ARHGAP6: variants seen among roughly 807,000 people sequenced by gnomAD.
ARHGAP6 encodes Rho GTPase activating protein 6.
Under a neutral mutation model 55.7 loss-of-function variants are expected in ARHGAP6, and 16 were observed. That is an observed-to-expected ratio of 0.29 (90% CI 0.19 to 0.44). The LOEUF (loss-of-function observed/expected upper bound fraction) is 0.44. Among genes scored for constraint, ARHGAP6 ranks in the 20% least tolerant of loss-of-function variants. ARHGAP6 has a pLI of 1.00. For missense variants in ARHGAP6, 698 were observed against 808.9 expected, an observed-to-expected ratio of 0.86 and a Z score of 1.66; for synonymous variants, 382 against 360.9, an observed-to-expected ratio of 1.06 and a Z score of -0.66.
chrX:11,481,422 G>T (rs772835454), intron 1 of ARHGAP6, among the ~76,000 whole-genome samples: 29 of 112,954 alleles, frequency 2.6e-4, no homozygotes, highest in Non-Finnish European at 4.7e-4. Context: ...GAAAGTAGCA[G>T]CAATGCTGAA....
intron 1 of ARHGAP6, among the ~76,000 whole-genome samples, chrX:11,506,705 T>A (rs963040787): frequency 7.1e-5 from 8 of 111,915 alleles, no homozygotes; most frequent in African/African-American, 2.6e-4. Context: ...AACATACGTG[T>A]GCATGTGTCT....
intron 1 of ARHGAP6, among the ~76,000 whole-genome samples, chrX:11,277,383 G>T: frequency 9.4e-6 from 1 of 106,576 alleles, no homozygotes; most frequent in African/African-American, 3.7e-5. Flanking sequence ...ATGATTTTGG[G>T]TATATAACTA....
intron 1 of ARHGAP6, among the ~76,000 whole-genome samples, chrX:11,421,719 G>A (rs772352903): frequency 1.1e-3 from 127 of 111,550 alleles, no homozygotes; most frequent in Admixed American, 4.0e-3. Context: ...GGCTGCTTGA[G>A]TAGTAAGTGG....
intron 1 of ARHGAP6, among the ~76,000 whole-genome samples, chrX:11,535,805 T>C (rs1205410622): frequency 8.9e-6 from 1 of 111,920 alleles, no homozygotes; most frequent in Admixed American, 9.5e-5. Flanking sequence ...CTGTGATATG[T>C]TCAAAGCAAA....
chrX:11,557,264 A>G (rs2051329073), intron 1 of ARHGAP6, among the ~76,000 whole-genome samples: 1 of 112,126 alleles, frequency 8.9e-6, no homozygotes, highest in Admixed American at 9.4e-5. Flanking sequence ...TGTCAGAGAC[A>G]GTATGACAGC....
At chrX:11,406,226 G>A (rs1035344038) in intron 1 of ARHGAP6, among the ~76,000 whole-genome samples, 2 of 110,494 alleles carry the variant, frequency 1.8e-5, no homozygotes, top group South Asian at 4.0e-4. Context: ...TAAAGTACTC[G>A]CATAAGTCAT....
intron 1 of ARHGAP6, among the ~76,000 whole-genome samples, chrX:11,598,711 C>T (rs761671213): frequency 5.0e-4 from 56 of 112,306 alleles, no homozygotes; most frequent in Non-Finnish European, 7.7e-4. Flanking sequence ...CAGTATTCCA[C>T]GATGTATATG....
At chrX:11,472,370 T>C (rs1199973296) in intron 1 of ARHGAP6, among the ~76,000 whole-genome samples, 1 of 111,657 alleles carries the variant, frequency 9.0e-6, no homozygotes, top group African/African-American at 3.3e-5. Context: ...GAAAATAAAA[T>C]TGGATGATGG....
chrX:11,617,450 C>T (rs778147730), intron 1 of ARHGAP6, among the ~76,000 whole-genome samples: 3 of 111,775 alleles, frequency 2.7e-5, no homozygotes, highest in African/African-American at 9.8e-5. Flanking sequence ...CAATTTCATA[C>T]GCATTTGTGA....
intron 1 of ARHGAP6, among the ~76,000 whole-genome samples, chrX:11,281,292 C>T (rs1336231242): frequency 5.4e-5 from 6 of 110,954 alleles, no homozygotes; most frequent in Non-Finnish European, 1.1e-4. Flanking sequence ...TCCAAGGGAT[C>T]CCTGTGAGGT....
chrX:11,504,510 TAAC>T (rs2050713138), intron 1 of ARHGAP6, among the ~76,000 whole-genome samples: 2 of 112,109 alleles, frequency 1.8e-5, no homozygotes, highest in Non-Finnish European at 3.8e-5. Flanking sequence ...ATCCGTCTCT[TAAC>T]TATATAAATA....
chrX:11,310,368 G>C (rs2048286819), intron 1 of ARHGAP6, among the ~76,000 whole-genome samples: 1 of 110,710 alleles, frequency 9.0e-6, no homozygotes, highest in Non-Finnish European at 1.9e-5. Context: ...ATGTAAGTCT[G>C]CACAAAAACT....
intron 1 of ARHGAP6, among the ~76,000 whole-genome samples, chrX:11,440,011 T>C (rs941049280): frequency 8.9e-6 from 1 of 112,846 alleles, no homozygotes; most frequent in African/African-American, 3.2e-5. Context: ...TTTGGACACA[T>C]GCTTGTTAAT....
At chrX:11,470,602 C>T (rs1260401981) in intron 1 of ARHGAP6, among the ~76,000 whole-genome samples, 1 of 112,864 alleles carries the variant, frequency 8.9e-6, no homozygotes, top group Non-Finnish European at 1.9e-5. Flanking sequence ...ATTTAGAAGG[C>T]AGGCAAGCTG....
Position 11,138,471 on chromosome X carries a change from G to T in ARHGAP6, c.*392C>A. 7.0e-6 allele frequency: 1 copy of T among 142,604 alleles called. No individual in the cohort carries two copies. The highest frequency in any genetic ancestry group is 1.3e-5 in the Non-Finnish European group (1 of 74,301). The allele number at this position is 142,604 out of a possible 1,213,427, so 11.8% of individuals were successfully genotyped here. A position where few individuals can be genotyped will look rare whatever the true frequency, so the allele number is the denominator to read the frequency against. ...GATTTTTTTTTTAAAAGTTCCTTTT[G>T]TTTTCTCTTTGTGAATATATCATAT... On this transcript the variant is annotated 3_prime_UTR_variant, in exon 13 of 13. Coordinates refer to ENST00000337414, the MANE Select transcript of ARHGAP6 (RefSeq NM_013427.3).
At chrX:11,554,536 T>C (rs2051302056) in intron 1 of ARHGAP6, among the ~76,000 whole-genome samples, 1 of 112,261 alleles carries the variant, frequency 8.9e-6, no homozygotes, top group Non-Finnish European at 1.9e-5. Flanking sequence ...TCTATGCATG[T>C]AACAAAATAT....
chrX:11,575,598 C>T lies in ARHGAP6; in HGVS notation c.588+88643G>A, dbSNP rs985517366. Among the ~76,000 whole-genome samples the T allele has an allele frequency of 2.8e-4, 31 of 111,900 alleles. 1 individual carries two copies. Among genetic ancestry groups the T allele is most frequent in the Admixed American group, 2.5e-3 (26 of 10,479 alleles). ...CTGTGATAACCTGGAAGGGCGACCA[C>T]ATGCCTTCAAAGCCAGCACCTTTAG... is the stretch of plus-strand genomic sequence containing the variant. On this transcript the variant is annotated intron_variant, in intron 1 of 12. Transcript: ENST00000337414.
At chrX:11,197,078 G>GC in intron 2 of ARHGAP6, 82 bp from the exon 3 acceptor site, 1 of 515,264 alleles carries the variant, frequency 1.9e-6, no homozygotes, top group Non-Finnish European at 3.3e-6. Context: ...TTGAGCAAAA[G>GC]CATGGCTTTT....
intron 1 of ARHGAP6, among the ~76,000 whole-genome samples, chrX:11,289,335 G>A (rs1301308692): frequency 2.7e-5 from 3 of 110,967 alleles, no homozygotes; most frequent in Non-Finnish European, 5.7e-5. Flanking sequence ...CTCTCTTGCT[G>A]AACATGAGTG....
Sources: gnomAD v4.1 joint callset for allele counts (sites outside exome capture counted in the v4.1 genomes callset) on GRCh38, gnomAD v4.1.1 for gene constraint, MANE v1.5 for transcripts, NCBI Gene and HGNC (gene_info 2026-07-23, HGNC 2026-07-21) for gene names.